The following CCSER1 variants were observed in gnomAD, a reference collection of about 807,000 sequenced individuals.
CCSER1 encodes the protein serine-rich coiled-coil domain-containing protein 1.
CCSER1 carries 41 observed loss-of-function variants against 82.0 expected under a neutral mutation model. The observed-to-expected ratio is 0.50, with a 90% CI of 0.39 to 0.65. CCSER1 has a LOEUF of 0.65. Among genes scored for constraint, CCSER1 ranks in the 30% least tolerant of loss-of-function variants. The pLI, the probability that CCSER1 is intolerant of heterozygous loss-of-function variation, is 0.00. For synonymous variants in CCSER1, 414 were observed against 383.9 expected (o/e 1.08, Z -0.92); for missense variants, 1,119 against 1,064.2 (o/e 1.05, Z -0.72).
intron 10 of CCSER1, among the ~76,000 whole-genome samples, chr4:91,358,409 TTC>T (rs1749013479): frequency 6.9e-6 from 1 of 145,750 alleles, no homozygotes; most frequent in African/African-American, 2.5e-5. Flanking sequence ...TTTTTTTTTT[TTC>T]CCGAGACAAA....
At chr4:91,501,829 A>G (rs1759227488) in intron 10 of CCSER1, among the ~76,000 whole-genome samples, 1 of 152,202 alleles carries the variant, frequency 6.6e-6, no homozygotes, top group African/African-American at 2.4e-5. Flanking sequence ...AAAAATTAAA[A>G]CATGAGAATT....
intron 3 of CCSER1, among the ~76,000 whole-genome samples, chr4:90,347,343 A>ATCTG (rs1217042825): frequency 1.8e-4 from 27 of 152,062 alleles, no homozygotes; most frequent in African/African-American, 6.0e-4. Flanking sequence ...CTATCTATCT[A>ATCTG]TCTATCTATA....
At chr4:90,401,554 A>G (rs1752880188) in intron 4 of CCSER1, among the ~76,000 whole-genome samples, 1 of 152,112 alleles carries the variant, frequency 6.6e-6, no homozygotes, top group Admixed American at 6.6e-5. Flanking sequence ...TTTTGTTTGA[A>G]ACAAGGTCTG....
At chr4:91,428,148 C>T (rs72656190) in intron 10 of CCSER1, among the ~76,000 whole-genome samples, 2,798 of 152,066 alleles carry the variant, frequency 0.018, 33 homozygotes, top group Non-Finnish European at 0.026. Flanking sequence ...ATTTCCACAG[C>T]GCTCAATCTT....
intron 6 of CCSER1, among the ~76,000 whole-genome samples, chr4:90,675,470 G>T (rs1157998594): frequency 1.3e-5 from 2 of 151,564 alleles, no homozygotes; most frequent in Non-Finnish European, 2.9e-5. Context: ...AAATCAAATT[G>T]GTATTTTTTG....
intron 10 of CCSER1, among the ~76,000 whole-genome samples, chr4:91,100,240 G>A (rs1173118760): frequency 6.6e-6 from 1 of 151,844 alleles, no homozygotes; most frequent in Admixed American, 6.6e-5. Context: ...TTAATTAAAA[G>A]AACTACACAT....
At chr4:91,496,714 AATATATAG>A (rs1371816704) in intron 10 of CCSER1, among the ~76,000 whole-genome samples, 3 of 35,354 alleles carry the variant, frequency 8.5e-5, no homozygotes, top group Non-Finnish European at 2.0e-4. Flanking sequence ...ATATATATTC[AATATATAG>A]AATATATATA....
At chr4:91,309,180 A>G (rs115448670) in intron 10 of CCSER1, among the ~76,000 whole-genome samples, 1,567 of 152,156 alleles carry the variant, frequency 0.01, 19 homozygotes, top group African/African-American at 0.033. Context: ...TGATTACTCT[A>G]TTCTAATTTT....
intron 9 of CCSER1, among the ~76,000 whole-genome samples, chr4:91,077,702 A>G (rs1032829698): frequency 1.3e-5 from 2 of 152,226 alleles, no homozygotes; most frequent in African/African-American, 4.8e-5. Context: ...TAGTAAAGGG[A>G]AGCCCTGACA....
intron 9 of CCSER1, among the ~76,000 whole-genome samples, chr4:91,077,555 C>T (rs755003816): frequency 3.6e-4 from 55 of 152,214 alleles, no homozygotes; most frequent in African/African-American, 1.2e-3. Flanking sequence ...ACGAAGAAGA[C>T]GGGTGATTTC....
chr4:90,825,645 C>T (rs1420371328), intron 8 of CCSER1, among the ~76,000 whole-genome samples: 1 of 151,762 alleles, frequency 6.6e-6, no homozygotes, highest in Admixed American at 6.6e-5. Context: ...GAATTTGTGG[C>T]ATCTCATATA....
chr4:90,705,685 C>T (rs1265773638), intron 6 of CCSER1, among the ~76,000 whole-genome samples: 1 of 152,194 alleles, frequency 6.6e-6, no homozygotes, highest in African/African-American at 2.4e-5. Context: ...GGCGCCCCTC[C>T]CCCAGTCTCA....
intron 10 of CCSER1, among the ~76,000 whole-genome samples, chr4:91,324,635 T>C (rs1312882726): frequency 6.6e-6 from 1 of 152,196 alleles, no homozygotes; most frequent in East Asian, 1.9e-4. Flanking sequence ...GTGATGTCTT[T>C]GGCTCTGAGT....
intron 8 of CCSER1, among the ~76,000 whole-genome samples, chr4:90,916,960 A>G (rs905253148): frequency 1.3e-5 from 2 of 152,198 alleles, no homozygotes; most frequent in Non-Finnish European, 2.9e-5. Flanking sequence ...CAAAACCACA[A>G]TGAGATACCA....
At chr4:90,543,833 G>A (rs1776406549) in intron 5 of CCSER1, among the ~76,000 whole-genome samples, 1 of 152,070 alleles carries the variant, frequency 6.6e-6, no homozygotes, top group Admixed American at 6.6e-5. Flanking sequence ...AAATATTTTT[G>A]AAGACATGGT....
intron 1 of CCSER1, among the ~76,000 whole-genome samples, chr4:90,183,662 A>G (rs1175381100): frequency 6.6e-6 from 1 of 152,162 alleles, no homozygotes; most frequent in Non-Finnish European, 1.5e-5. Context: ...GTCTGACTTG[A>G]GCTTTTTCTC....
intron 10 of CCSER1, among the ~76,000 whole-genome samples, chr4:91,210,173 A>C (rs1224132745): frequency 1.3e-5 from 2 of 151,624 alleles, no homozygotes; most frequent in African/African-American, 2.4e-5. Context: ...TACATTGTGC[A>C]CCTAAACAAA....
intron 1 of CCSER1, among the ~76,000 whole-genome samples, chr4:90,263,056 C>T (rs1413686364): frequency 6.6e-6 from 1 of 152,138 alleles, no homozygotes. Context: ...CATGTGCTGC[C>T]TGACTGTTGG....
intron 10 of CCSER1, among the ~76,000 whole-genome samples, chr4:91,176,199 C>T (rs1733329062): frequency 8.9e-5 from 1 of 11,262 alleles, no homozygotes; most frequent in South Asian, 2.5e-3. Context: ...TGTTTTGGTA[C>T]CAGTACCTGC....
Sources: allele counts gnomAD v4.1 joint callset (sites outside exome capture counted in the v4.1 genomes callset), GRCh38; gene constraint gnomAD v4.1.1; transcripts MANE v1.5; gene names NCBI Gene and HGNC (gene_info 2026-07-23, HGNC 2026-07-21).